The following LNPK variants were observed in gnomAD, a reference collection of about 807,000 sequenced individuals.
LNPK encodes endoplasmic reticulum junction formation protein lunapark.
Under a neutral mutation model 55.2 loss-of-function variants are expected in LNPK, and 29 were observed. The observed-to-expected ratio is 0.53, with a 90% confidence interval of 0.39 to 0.72. The LOEUF (loss-of-function observed/expected upper bound fraction) is 0.72. Ranked by LOEUF, LNPK falls within the 30% of genes least tolerant of loss-of-function variation. The probability of loss-of-function intolerance (pLI) is 0.00; values close to 1 mark genes in which losing one functional copy is unlikely to be tolerated. For synonymous variants in LNPK, 162 were observed against 168.2 expected, an observed-to-expected ratio of 0.96 and a Z score of 0.29; for missense variants, 467 against 494.8, an observed-to-expected ratio of 0.94 and a Z score of 0.53.
chr2:175,959,220 C>T (rs1300704688), intron 8 of LNPK, among the ~76,000 whole-genome samples: 3 of 152,196 alleles, frequency 2.0e-5, no homozygotes, highest in South Asian at 2.1e-4. Context: ...CAGAGAATAC[C>T]ACAAAGATAC....
chr2:175,990,954 A>T (rs1687673657), intron 4 of LNPK, among the ~76,000 whole-genome samples: 1 of 152,190 alleles, frequency 6.6e-6, no homozygotes, highest in Non-Finnish European at 1.5e-5. Flanking sequence ...AAGAAATTAC[A>T]TTTTTAAAGA....
rs781096783 is a variant in LNPK, at chr2:175,979,832, AAAG to A, written c.291_293del (p.Phe98del). The stretch of plus-strand genomic sequence containing the variant: ...TACTATTTCTTTCTGTTCTCTTGGA[AAAG>A]AAGAAAATAATTACTGTTCTTATGC... On this transcript the variant is annotated inframe_deletion, in exon 5 of 13. Transcript: ENST00000272748. 1.9e-6 allele frequency: 3 copies of A among 1,581,250 alleles called. No homozygotes were observed. The highest frequency in any genetic ancestry group is 1.4e-5 in the African/African-American group (1 of 73,360).
intron 1 of LNPK, among the ~76,000 whole-genome samples, chr2:175,996,967 C>T (rs1039660481): frequency 2.2e-4 from 34 of 152,050 alleles, no homozygotes; most frequent in African/African-American, 6.3e-4. Context: ...ACTTCTTTTC[C>T]ACCCCCAAAA....
intron 12 of LNPK, among the ~76,000 whole-genome samples, chr2:175,935,271 A>G (rs536450113): frequency 1.6e-3 from 239 of 152,312 alleles, no homozygotes; most frequent in African/African-American, 5.5e-3. Flanking sequence ...TTAAAGCAGA[A>G]AAGTTTTTTT....
chr2:175,930,008 G>C lies in LNPK; in HGVS notation c.1246C>G (p.Pro416Ala). The C allele has an allele frequency of 6.2e-7, 1 of 1,613,986 alleles. No individual in the cohort carries two copies. Among genetic ancestry groups the C allele is most frequent in the Non-Finnish European group, 8.5e-7 (1 of 1,179,918 alleles). Residue 416 changes from proline (P) to alanine (A), a missense_variant, in exon 13 of 13, where the codon CCT becomes GCT. Physicochemically the swap from Pro to Ala is conservative, Grantham distance 27. Transcript: ENST00000272748. ...GATTCTCCACTTAGTTCAGGATCAG[G>C]AATAGAATCAGCTCCAGGAACTGTG... ...NSTVPGADSI[P>A]DPELSGESLT...
intron 9 of LNPK, among the ~76,000 whole-genome samples, chr2:175,941,591 G>C (rs936084790): frequency 2.0e-5 from 3 of 151,472 alleles, no homozygotes; most frequent in South Asian, 2.1e-4. Flanking sequence ...AAGAGATAGA[G>C]ACCATCCTGG....
intron 4 of LNPK, 80 bp downstream of exon 4, chr2:175,992,151 A>G (rs1687732010): frequency 2.3e-6 from 2 of 857,236 alleles, no homozygotes; most frequent in Admixed American, 7.1e-5. Flanking sequence ...TAATAAAGAG[A>G]CCGAATATAC....
At chr2:175,934,385 T>C (rs1056940981) in intron 12 of LNPK, among the ~76,000 whole-genome samples, 1 of 152,212 alleles carries the variant, frequency 6.6e-6, no homozygotes, top group Non-Finnish European at 1.5e-5. Context: ...TTTTACCTTA[T>C]ATAAATTTCA....
At chr2:175,985,037 T>A (rs1687340342) in intron 4 of LNPK, among the ~76,000 whole-genome samples, 1 of 152,230 alleles carries the variant, frequency 6.6e-6, no homozygotes, top group African/African-American at 2.4e-5. Flanking sequence ...AAGGAATTAT[T>A]GACACACTGA....
intron 8 of LNPK, among the ~76,000 whole-genome samples, chr2:175,954,164 T>G (rs988440675): frequency 6.6e-6 from 1 of 152,216 alleles, no homozygotes; most frequent in African/African-American, 2.4e-5. Context: ...GTATACCCCT[T>G]TTAATCAAAA....
intron 4 of LNPK, among the ~76,000 whole-genome samples, chr2:175,981,654 G>A (rs1687178610): frequency 6.6e-6 from 1 of 152,162 alleles, no homozygotes; most frequent in Non-Finnish European, 1.5e-5. Flanking sequence ...AAAGTCAGGG[G>A]AATTGCAAAT....
At chr2:175,998,700 A>G (rs1410107569) in intron 1 of LNPK, among the ~76,000 whole-genome samples, 1 of 152,204 alleles carries the variant, frequency 6.6e-6, no homozygotes, top group Non-Finnish European at 1.5e-5. Flanking sequence ...TAGTATTAGT[A>G]CAATGTATTG....
rs115422861 is a variant in LNPK, at chr2:175,997,640, G to A, written c.-62-1994C>T. 5.6e-3 allele frequency among the ~76,000 whole-genome samples: 846 copies of A among 151,310 alleles called. 7 individuals are homozygous for A. Among genetic ancestry groups the A allele is most frequent in the African/African-American group, 0.018 (723 of 41,216 alleles). On this transcript the variant is annotated intron_variant, in intron 1 of 12. Transcript: ENST00000272748. Reference sequence around the variant, plus strand: ...GAATTTTTAATATTTGAAATTAATGGCACCAACAATATCAGTTAAACACTT... The same window carrying A: ...GAATTTTTAATATTTGAAATTAATGACACCAACAATATCAGTTAAACACTT...
chr2:175,977,276 C>T (rs1474098884), intron 5 of LNPK, among the ~76,000 whole-genome samples: 1 of 152,150 alleles, frequency 6.6e-6, no homozygotes, highest in Non-Finnish European at 1.5e-5. Context: ...CCAGGAGCCA[C>T]ATGGGGCTAT....
chr2:175,957,420 G>C (rs1319280829), intron 8 of LNPK, among the ~76,000 whole-genome samples: 1 of 151,666 alleles, frequency 6.6e-6, no homozygotes, highest in East Asian at 1.9e-4. Flanking sequence ...CATGTTCTCA[G>C]ACTTTCCTCA....
At chr2:175,996,476 A>T (rs1240714262) in intron 1 of LNPK, among the ~76,000 whole-genome samples, 1 of 152,244 alleles carries the variant, frequency 6.6e-6, no homozygotes. Flanking sequence ...CAAATCACTT[A>T]ATGATTCTAA....
chr2:175,961,906 T>A (rs903124508), intron 8 of LNPK, among the ~76,000 whole-genome samples: 12 of 152,004 alleles, frequency 7.9e-5, no homozygotes, highest in Admixed American at 2.0e-4. Flanking sequence ...TTATACACCA[T>A]TAACAGACAA....
intron 11 of LNPK, 101 bp downstream of exon 11, chr2:175,938,212 C>A: frequency 2.8e-6 from 2 of 723,986 alleles, no homozygotes; most frequent in Non-Finnish European, 4.7e-6. Context: ...CCAATGTATA[C>A]AAAGAGAGTA....
chr2:175,952,634 C>A (rs111433851), intron 8 of LNPK, among the ~76,000 whole-genome samples: 3 of 150,384 alleles, frequency 2.0e-5, no homozygotes, highest in African/African-American at 7.3e-5. Flanking sequence ...AGGTCAATGT[C>A]TTTTTATTGC....
Sources: gnomAD v4.1 joint callset for allele counts (sites outside exome capture counted in the v4.1 genomes callset) on GRCh38, gnomAD v4.1.1 for gene constraint, MANE v1.5 for transcripts, NCBI Gene and HGNC (gene_info 2026-07-23, HGNC 2026-07-21) for gene names.